Variants in FLI1 observed in about 807,000 individuals in gnomAD.
The protein encoded by FLI1 is Fli-1 proto-oncogene, ETS transcription factor.
Under a neutral mutation model 53.1 loss-of-function variants are expected in FLI1, and 13 were observed. The observed-to-expected ratio is 0.24, with a 90% CI of 0.16 to 0.39. The LOEUF is 0.39. FLI1 is among the 10% of genes least tolerant of loss of function. The probability of loss-of-function intolerance (pLI) is 1.00; values close to 1 mark genes in which losing one functional copy is unlikely to be tolerated. For synonymous variants in FLI1, 244 were observed against 236.7 expected (o/e 1.03, Z -0.28); for missense variants, 424 against 600.5 (o/e 0.71, Z 3.07).
intron 5 of FLI1, among the ~76,000 whole-genome samples, chr11:128,798,742 G>A (rs1942521988): frequency 6.6e-6 from 1 of 152,158 alleles, no homozygotes; most frequent in Non-Finnish European, 1.5e-5. Flanking sequence ...TTGCTCTTTG[G>A]GATGTAAGAC....
At chr11:128,754,981 C>T (rs1456075390) in intron 1 of FLI1, among the ~76,000 whole-genome samples, 1 of 152,206 alleles carries the variant, frequency 6.6e-6, no homozygotes, top group African/African-American at 2.4e-5. Context: ...TCTATCTCAT[C>T]ACTTGTTTTT....
At chr11:128,694,603 G>A (rs1324300901) in intron 1 of FLI1, among the ~76,000 whole-genome samples, 1 of 151,732 alleles carries the variant, frequency 6.6e-6, no homozygotes, top group South Asian at 2.1e-4. Flanking sequence ...CGGAGTCAAG[G>A]GCGAGAGACC....
At chr11:128,782,607 A>C (rs140881851) in intron 5 of FLI1, among the ~76,000 whole-genome samples, 4 of 152,280 alleles carry the variant, frequency 2.6e-5, no homozygotes, top group Non-Finnish European at 5.9e-5. Flanking sequence ...CTGAGACATG[A>C]GAATCGCTTG....
intron 1 of FLI1, among the ~76,000 whole-genome samples, chr11:128,726,286 C>T (rs1034015681): frequency 1.3e-5 from 2 of 152,036 alleles, no homozygotes; most frequent in African/African-American, 4.8e-5. Flanking sequence ...CACATTAAGA[C>T]GCTGCCCCAA....
At position 128,810,757 on chromosome 11, in the gene FLI1, G is replaced by A. The variant is rs766521149; in HGVS notation, c.1128G>A (p.Ser376=). Residue 376 remains serine (S), a synonymous_variant, in exon 9 of 9, where the codon TCG becomes TCA. Coordinates refer to ENST00000527786, the MANE Select transcript of FLI1 (RefSeq NM_002017.5). The surrounding 1 kb of genome is among the most constrained non-coding windows in gnomAD (Gnocchi z 6.6). ...CTCTGCAGCCACATCCGACCGAGTC[G>A]TCCATGTACAAGTACCCTTCTGACA... ...AQALQPHPTE[S]SMYKYPSDIS... 6.8e-5 allele frequency: 109 copies of A among 1,613,904 alleles called. No homozygotes were observed. Among genetic ancestry groups the A allele is most frequent in the Admixed American group, 1.7e-4 (10 of 60,014 alleles).
intron 1 of FLI1, among the ~76,000 whole-genome samples, chr11:128,698,532 T>C (rs1938184272): frequency 6.6e-6 from 1 of 152,200 alleles, no homozygotes; most frequent in East Asian, 1.9e-4. Flanking sequence ...AACTGAGGTC[T>C]AGGTTGTTAA....
At chr11:128,740,368 C>T (rs660657) in intron 1 of FLI1, among the ~76,000 whole-genome samples, 108,231 of 152,110 alleles carry the variant, frequency 0.71, 38,848 homozygotes, top group East Asian at 0.96. Context: ...CATTTGGTTA[C>T]AGAAGTCATG....
intron 1 of FLI1, among the ~76,000 whole-genome samples, chr11:128,750,996 C>T (rs1246064036): frequency 6.6e-6 from 1 of 152,196 alleles, no homozygotes; most frequent in Non-Finnish European, 1.5e-5. Context: ...TCCTCATTCA[C>T]AGGGCTATTC....
intron 6 of FLI1, 149 bp downstream of exon 6, chr11:128,805,580 T>C: frequency 1.7e-6 from 1 of 594,496 alleles, no homozygotes; most frequent in Non-Finnish European, 3.0e-6. Context: ...TTAGGGCCTT[T>C]CCATGATACC....
chr11:128,777,971 G>T (rs940056339), intron 4 of FLI1, among the ~76,000 whole-genome samples: 5 of 152,214 alleles, frequency 3.3e-5, no homozygotes, highest in African/African-American at 1.2e-4. Flanking sequence ...TCTCCTTTCA[G>T]ATCCAGGTAC....
At chr11:128,727,253 G>A (rs998108031) in intron 1 of FLI1, among the ~76,000 whole-genome samples, 2 of 152,300 alleles carry the variant, frequency 1.3e-5, no homozygotes, top group Middle Eastern at 3.4e-3. Context: ...TATTTCATAA[G>A]GCTATGGTGA....
intron 5 of FLI1, among the ~76,000 whole-genome samples, chr11:128,789,914 A>G (rs1159967163): frequency 6.6e-6 from 1 of 152,190 alleles, no homozygotes; most frequent in African/African-American, 2.4e-5. Context: ...ACGTCAGCTC[A>G]CACACACTTC....
intron 1 of FLI1, among the ~76,000 whole-genome samples, chr11:128,704,962 G>T (rs75275551): frequency 0.011 from 1,617 of 152,314 alleles, 13 homozygotes; most frequent in Non-Finnish European, 0.017. Flanking sequence ...ACCCTGTGAT[G>T]TATGTAATAT....
chr11:128,738,838 A>G (rs1318715160), intron 1 of FLI1, among the ~76,000 whole-genome samples: 1 of 152,194 alleles, frequency 6.6e-6, no homozygotes, highest in Non-Finnish European at 1.5e-5. Flanking sequence ...AAAAAACCCA[A>G]GCAAAGCAAA....
Position 128,811,705 on chromosome 11 carries a change from TTA to T in FLI1, c.*718_*719del. 1.5e-5 allele frequency: 3 copies of T among 202,110 alleles called. No homozygotes were observed. Among genetic ancestry groups the T allele is most frequent in the Non-Finnish European group, 3.1e-5 (3 of 98,092 alleles). 12.5% of individuals were successfully genotyped at this position (202,110 alleles called of 1,614,324 possible). On this transcript the variant is annotated 3_prime_UTR_variant, in exon 9 of 9. Coordinates refer to ENST00000527786, the MANE Select transcript of FLI1 (RefSeq NM_002017.5). ...TTAAATTACTAATTTTTTTTTTTTT[TTA>T]AATGATGACAGTGGTCCCAGAACTT...
chr11:128,766,007 T>C (rs958483577), intron 2 of FLI1, among the ~76,000 whole-genome samples: 2 of 152,230 alleles, frequency 1.3e-5, no homozygotes, highest in Admixed American at 6.5e-5. Flanking sequence ...AGTAAGCATA[T>C]GTGTGCACGT....
At chr11:128,689,525 C>T (rs566467337), upstream of FLI1, among the ~76,000 whole-genome samples, 99 of 152,298 alleles carry the variant, frequency 6.5e-4, no homozygotes, top group Middle Eastern at 3.4e-3. Context: ...AGGTTGCTAG[C>T]CCCAGAATGT....
In FLI1 at chr11:128,694,073, T is replaced by C; in HGVS notation, c.-186T>C. ...AAAAAGTTTCATCCGGTTAACTGTC[T>C]CTTTCGCTCCGCTACAACAACAAAC... On this transcript the variant is annotated 5_prime_UTR_variant, in exon 1 of 9. Coordinates refer to ENST00000527786, the MANE Select transcript of FLI1 (RefSeq NM_002017.5). The C allele has an allele frequency of 2.1e-6, 1 of 474,368 alleles. No individual in the cohort carries two copies. Among genetic ancestry groups the C allele is most frequent in the Non-Finnish European group, 3.6e-6 (1 of 274,386 alleles). The allele number at this position is 474,368 out of a possible 1,614,324, so 29.4% of individuals were successfully genotyped here.
At chr11:128,764,681 T>G in intron 2 of FLI1, 2 of 1,538,270 alleles carry the variant, frequency 1.3e-6, no homozygotes, top group Non-Finnish European at 1.7e-6. Flanking sequence ...GAGCAGCCTT[T>G]TATGCTGGGC....
Sources: allele counts gnomAD v4.1 joint callset (sites outside exome capture counted in the v4.1 genomes callset), GRCh38; gene constraint gnomAD v4.1.1; non-coding constraint Gnocchi (gnomAD v3.1); transcripts MANE v1.5; gene names NCBI Gene and HGNC (gene_info 2026-07-23, HGNC 2026-07-21).